The following ANKRD31 variants were observed in gnomAD, a reference collection of about 807,000 sequenced individuals.
The protein encoded by ANKRD31 is ankyrin repeat domain 31.
ANKRD31 carries 147 observed loss-of-function variants against 186.0 expected under a neutral mutation model. The observed-to-expected ratio is 0.79, with a 90% CI of 0.69 to 0.91. The LOEUF (loss-of-function observed/expected upper bound fraction) is 0.91, where lower values mean the gene tolerates loss of function less well. ANKRD31 is among the 40% of genes least tolerant of loss of function. The pLI is 0.00. For synonymous variants in ANKRD31, 673 were observed against 736.4 expected, an observed-to-expected ratio of 0.91 and a Z score of 1.39; for missense variants, 1,986 against 2,148.8, an observed-to-expected ratio of 0.92 and a Z score of 1.50.
Position 75,084,254 on chromosome 5 carries a change from G to A in ANKRD31, c.5575+18C>T, listed in dbSNP as rs1198423275. 1 of 1,509,606 alleles carries A rather than the reference G, an allele frequency of 6.6e-7. No homozygotes were observed. Among genetic ancestry groups the A allele is most frequent in the Non-Finnish European group, 8.9e-7 (1 of 1,122,218 alleles). The allele number at this position is 1,509,606 out of a possible 1,614,324, so 93.5% of individuals were successfully genotyped here. ...GTTTTATCCCACAACGAAGAAATGA[G>A]TGTTGTTCTGTACATACCTGGAAGA... is the stretch of plus-strand genomic sequence containing the variant. On this transcript the variant is annotated intron_variant, in intron 24 of 25. Coordinates refer to ENST00000506364, the MANE Select transcript of ANKRD31 (RefSeq NM_001372053.1).
At chr5:75,227,359 G>T (rs1432242371) in intron 2 of ANKRD31, among the ~76,000 whole-genome samples, 2 of 152,096 alleles carry the variant, frequency 1.3e-5, no homozygotes, top group Non-Finnish European at 2.9e-5. Flanking sequence ...CCTACTGTTT[G>T]CTAGCACAAC....
intron 17 of ANKRD31, among the ~76,000 whole-genome samples, chr5:75,129,718 C>T (rs996940539): frequency 5.9e-5 from 9 of 152,166 alleles, no homozygotes; most frequent in South Asian, 2.1e-4. Flanking sequence ...CCAGCATGAG[C>T]GATGCAGAAG....
At position 75,199,672 on chromosome 5, in the gene ANKRD31, GC is replaced by G; in HGVS notation, c.405del (p.Pro136GlnfsTer12). The G allele has an allele frequency of 6.5e-7, 1 of 1,532,066 alleles. No individual in the cohort carries two copies. Among genetic ancestry groups the G allele is most frequent in the Non-Finnish European group, 8.7e-7 (1 of 1,144,146 alleles). 94.9% of individuals were successfully genotyped at this position (1,532,066 alleles called of 1,614,324 possible). A position where few individuals can be genotyped will look rare whatever the true frequency, so the allele number is the denominator to read the frequency against. ...GLSLNHQNIEGPEAESPEVLP... is the reference protein window; with the variant it reads ...GLSLNHQNIEXPEAESPEVLP... ...AAAACTTCAGGACTTTCAGCCTCTG[GC>G]CCTAGAAAAAAACAATGTGTTTTCA... is the stretch of plus-strand genomic sequence containing the variant. On this transcript the variant is annotated frameshift_variant and splice_region_variant, in exon 6 of 26. Transcript: ENST00000506364. LOFTEE classifies it high-confidence loss of function.
At position 75,146,581 on chromosome 5, in the gene ANKRD31, G is replaced by C; in HGVS notation, c.2830C>G (p.Gln944Glu). ...LTNKKEMGFQ[Q>E]FLLSEDHLSQ... ...AGATGATCTTCAGAAAGTAAAAACT[G>C]TTGGAAACCCATTTCTTTTTTATTT... The change falls in exon 14 of 26, where the codon CAG becomes GAG. Residue 944 changes from glutamine (Q) to glutamate (E), a missense_variant. Coordinates refer to ENST00000506364, the MANE Select transcript of ANKRD31 (RefSeq NM_001372053.1). The C allele has an allele frequency of 6.5e-7, 1 of 1,535,864 alleles. No homozygotes were observed. Among genetic ancestry groups the C allele is most frequent in the Non-Finnish European group, 8.7e-7 (1 of 1,146,212 alleles).
chr5:75,154,006 C>CT (rs1447569901), intron 12 of ANKRD31, among the ~76,000 whole-genome samples, 195 bp downstream of exon 12: 4 of 152,012 alleles, frequency 2.6e-5, no homozygotes, highest in African/African-American at 9.7e-5. Flanking sequence ...TATTACCTTT[C>CT]TTTTTTCTTT....
intron 5 of ANKRD31, among the ~76,000 whole-genome samples, chr5:75,203,968 T>C (rs1236101944): frequency 6.6e-6 from 1 of 152,182 alleles, no homozygotes; most frequent in African/African-American, 2.4e-5. Flanking sequence ...TAAACTTTTT[T>C]AAAATCAGAA....
rs191594487 is a variant in ANKRD31 at position 75,114,527 on chromosome 5, C to T, written c.4156-1927G>A. Among the ~76,000 whole-genome samples, 91 of 152,156 alleles carry T rather than the reference C, an allele frequency of 6.0e-4. 1 individual carries two copies. The highest frequency in any genetic ancestry group is 2.1e-3 in the African/African-American group (87 of 41,532). On this transcript the variant is annotated intron_variant, in intron 19 of 25. Coordinates refer to ENST00000506364, the MANE Select transcript of ANKRD31 (RefSeq NM_001372053.1). ...AGACTTTGCTGAAGTTGCTTATCAG[C>T]TTAAGGAGATTTTGGGCTGAGACAA...
chr5:75,177,392 G>C (rs1753895638), intron 10 of ANKRD31, among the ~76,000 whole-genome samples: 1 of 152,068 alleles, frequency 6.6e-6, no homozygotes, highest in African/African-American at 2.4e-5. Flanking sequence ...ACGCCACAAA[G>C]ATACTCCTCG....
At chr5:75,180,483 A>G (rs1287810853) in intron 10 of ANKRD31, among the ~76,000 whole-genome samples, 1 of 152,226 alleles carries the variant, frequency 6.6e-6, no homozygotes, top group Non-Finnish European at 1.5e-5. Flanking sequence ...AGTTCAAAGT[A>G]TACTACAAGG....
intron 9 of ANKRD31, among the ~76,000 whole-genome samples, chr5:75,189,170 T>C (rs1159298909): frequency 6.6e-6 from 1 of 152,140 alleles, no homozygotes; most frequent in East Asian, 1.9e-4. Context: ...ATTAATGAAA[T>C]TAAGCAGAGA....
intron 17 of ANKRD31, among the ~76,000 whole-genome samples, chr5:75,134,235 T>C (rs878870796): frequency 1.3e-5 from 2 of 152,038 alleles, no homozygotes; most frequent in African/African-American, 2.4e-5. Context: ...AGCTGGTTTT[T>C]TGAAAGCATC....
chr5:75,159,634 A>C (rs369864092), intron 11 of ANKRD31, among the ~76,000 whole-genome samples: 311 of 150,188 alleles, frequency 2.1e-3, no homozygotes, highest in African/African-American at 7.4e-3. Flanking sequence ...ATCTAGCAAA[A>C]CTATAAATGA....
chr5:75,070,191 T>G (rs764387250), intron 25 of ANKRD31, among the ~76,000 whole-genome samples: 3 of 152,198 alleles, frequency 2.0e-5, no homozygotes, highest in Non-Finnish European at 4.4e-5. Context: ...TTTTATAGAC[T>G]TCCGGAAACA....
At position 75,147,016 on chromosome 5, in the gene ANKRD31, T is replaced by C; in HGVS notation, c.2395A>G (p.Thr799Ala). 2.0e-6 allele frequency: 3 copies of C among 1,536,440 alleles called. No homozygotes were observed. Among genetic ancestry groups the C allele is most frequent in the African/African-American group, 2.7e-5 (2 of 73,102 alleles). Residue 799 changes from threonine (T) to alanine (A), a missense_variant, in exon 14 of 26, where the codon ACT becomes GCT. Transcript: ENST00000506364. Reference sequence around the variant, plus strand: ...TCTTTGGAAACTGAACAAGCCTCAGTACTGCTATCTAATCCATTTCTCAGG... The same window carrying C: ...TCTTTGGAAACTGAACAAGCCTCAGCACTGCTATCTAATCCATTTCTCAGG... ...SSLRNGLDSS[T>A]EACSVSKEKH...
At chr5:75,132,260 A>C (rs375442943) in intron 17 of ANKRD31, among the ~76,000 whole-genome samples, 29 of 152,334 alleles carry the variant, frequency 1.9e-4, no homozygotes, top group Admixed American at 7.8e-4. Context: ...AAAGAACCTA[A>C]AAACCTTGAA....
intron 11 of ANKRD31, among the ~76,000 whole-genome samples, chr5:75,159,560 G>C (rs1323559655): frequency 6.6e-6 from 1 of 151,620 alleles, no homozygotes; most frequent in Non-Finnish European, 1.5e-5. Flanking sequence ...ATGAGGTCCA[G>C]AGACAATGGG....
Position 75,116,473 on chromosome 5 carries a change from T to C in ANKRD31, c.4155+93A>G, listed in dbSNP as rs897408441. 4 of 495,386 alleles carry C rather than the reference T, an allele frequency of 8.1e-6. No homozygotes were observed. In the Admixed American group the frequency reaches 1.8e-4, roughly 22 times the overall value. The allele number at this position is 495,386 out of a possible 1,614,324, so 30.7% of individuals were successfully genotyped here. A position where few individuals can be genotyped will look rare whatever the true frequency, so the allele number is the denominator to read the frequency against. On this transcript the variant is annotated intron_variant, in intron 19 of 25. Coordinates refer to ENST00000506364, the MANE Select transcript of ANKRD31 (RefSeq NM_001372053.1). ...AATTTCTATCTTTGTATCATTAAAA[T>C]GGAAAGTACTGCCATTAGCCAATAA...
chr5:75,206,603 T>C, intron 4 of ANKRD31, 116 bp from the exon 5 acceptor site: 1 of 423,736 alleles, frequency 2.4e-6, no homozygotes. Flanking sequence ...TAGGATAATT[T>C]TTTGCTATAT....
intron 17 of ANKRD31, among the ~76,000 whole-genome samples, chr5:75,131,557 T>A (rs919063212): frequency 6.6e-6 from 1 of 152,328 alleles, no homozygotes; most frequent in East Asian, 1.9e-4. Flanking sequence ...GAAGGCTGCC[T>A]GCCTCTGTAG....
Sources: gnomAD v4.1 joint callset for allele counts (sites outside exome capture counted in the v4.1 genomes callset) on GRCh38, gnomAD v4.1.1 for gene constraint, MANE v1.5 for transcripts, NCBI Gene and HGNC (gene_info 2026-07-23, HGNC 2026-07-21) for gene names.